HPSE2: variants seen among roughly 807,000 people sequenced by gnomAD.
HPSE2 encodes the protein inactive heparanase-2.
A neutral mutation model predicts 60.5 loss-of-function variants in HPSE2; 38 were observed. That is an observed-to-expected ratio of 0.63 (90% CI 0.48 to 0.82). The LOEUF is 0.82. Ranked by LOEUF, HPSE2 falls within the 40% of genes least tolerant of loss-of-function variation. The pLI is 0.00. For synonymous variants in HPSE2, 295 were observed against 293.2 expected, an observed-to-expected ratio of 1.01 and a Z score of -0.06; for missense variants, 713 against 740.4, an observed-to-expected ratio of 0.96 and a Z score of 0.43.
intron 2 of HPSE2, among the ~76,000 whole-genome samples, chr10:99,169,391 G>C (rs1847217039): frequency 6.6e-6 from 1 of 150,758 alleles, no homozygotes; most frequent in Non-Finnish European, 1.5e-5. Context: ...TGTGGTCCCA[G>C]CTACTCAGGA....
chr10:99,290,319 T>C, the HPSE2 span, among the ~76,000 whole-genome samples: 1 of 152,170 alleles, frequency 6.6e-6, no homozygotes, highest in Non-Finnish European at 1.5e-5. Context: ...CATCTCTGTG[T>C]CCCTAGTACC....
chr10:98,934,287 ATTG>A (rs1375197159), intron 3 of HPSE2, among the ~76,000 whole-genome samples: 1 of 144,206 alleles, frequency 6.9e-6, no homozygotes, highest in Non-Finnish European at 1.5e-5. Context: ...TAAGGTTAAT[ATTG>A]TTATGTGTGA....
chr10:98,877,448 A>G (rs1020151728), intron 3 of HPSE2, among the ~76,000 whole-genome samples: 2 of 151,890 alleles, frequency 1.3e-5, no homozygotes, highest in African/African-American at 2.4e-5. Flanking sequence ...ATTGCTTCTC[A>G]GCTGCTATCT....
intron 2 of HPSE2, among the ~76,000 whole-genome samples, chr10:99,168,156 A>G (rs935308558): frequency 6.6e-6 from 1 of 151,578 alleles, no homozygotes; most frequent in African/African-American, 2.4e-5. Context: ...ATTGCATTGA[A>G]TTTATACATT....
the HPSE2 span, among the ~76,000 whole-genome samples, chr10:99,274,038 C>T: frequency 2.0e-4 from 31 of 151,794 alleles, no homozygotes; most frequent in African/African-American, 7.5e-4. Flanking sequence ...TAAAGAATAG[C>T]TACATGCCTA....
At chr10:99,187,823 G>C (rs1848083301) in intron 2 of HPSE2, among the ~76,000 whole-genome samples, 1 of 152,164 alleles carries the variant, frequency 6.6e-6, no homozygotes. Flanking sequence ...TGGGGAAAAA[G>C]TTTGGCAATT....
intron 9 of HPSE2, among the ~76,000 whole-genome samples, chr10:98,497,037 A>AT (rs762314212): frequency 6.9e-4 from 105 of 152,086 alleles, no homozygotes; most frequent in Non-Finnish European, 1.3e-3. Context: ...AAAGATTTAA[A>AT]CTTTTAATTC....
At chr10:99,293,995 T>A in the HPSE2 span, among the ~76,000 whole-genome samples, 1 of 152,122 alleles carries the variant, frequency 6.6e-6, no homozygotes, top group Non-Finnish European at 1.5e-5. Context: ...CATCTTAAAC[T>A]CCAAACCAGA....
At chr10:99,248,155 G>A in the HPSE2 span, among the ~76,000 whole-genome samples, 1 of 152,248 alleles carries the variant, frequency 6.6e-6, no homozygotes, top group African/African-American at 2.4e-5. Context: ...ATGGGCAGAG[G>A]TTGGAACAGT....
chr10:98,801,931 AC>A (rs1185772025), intron 3 of HPSE2, among the ~76,000 whole-genome samples: 1 of 152,174 alleles, frequency 6.6e-6, no homozygotes, highest in African/African-American at 2.4e-5. Context: ...ACATTACCTG[AC>A]TTCAAATTAT....
At position 98,888,135 on chromosome 10, in the gene HPSE2, A is replaced by AACACACACACACACACAC. The variant is rs3043548; in HGVS notation, c.611-144097_611-144080dup. Among the ~76,000 whole-genome samples the AACACACACACACACACAC allele has an allele frequency of 4.8e-4, 68 of 140,806 alleles. 1 individual carries two copies. The highest frequency in any genetic ancestry group is 1.4e-3 in the African/African-American group (53 of 38,478). 92.4% of individuals were successfully genotyped at this position (140,806 alleles called of 152,430 possible). On this transcript the variant is annotated intron_variant, in intron 3 of 11. Coordinates refer to ENST00000370552, the MANE Select transcript of HPSE2 (RefSeq NM_021828.5). ...TGCAAAAGGGATAGGTTTTAAAACA[A>AACACACACACACACACAC]ACACACACACACACACACACACACA...
At chr10:98,905,952 G>A (rs1953804172) in intron 3 of HPSE2, among the ~76,000 whole-genome samples, 1 of 152,196 alleles carries the variant, frequency 6.6e-6, no homozygotes, top group Admixed American at 6.5e-5. Context: ...GAAGAACTTA[G>A]TCTCCTGGCT....
chr10:98,484,711 TG>T (rs1296457657), intron 10 of HPSE2, among the ~76,000 whole-genome samples: 4 of 152,260 alleles, frequency 2.6e-5, no homozygotes, highest in African/African-American at 9.6e-5. Flanking sequence ...TTTCTTCTTT[TG>T]CTGTTTTACC....
intron 9 of HPSE2, among the ~76,000 whole-genome samples, chr10:98,548,390 G>A (rs1416808318): frequency 6.6e-6 from 1 of 152,164 alleles, no homozygotes; most frequent in Non-Finnish European, 1.5e-5. Flanking sequence ...GCCGAGTTGG[G>A]CATATGGCTT....
At chr10:99,275,693 C>A in the HPSE2 span, among the ~76,000 whole-genome samples, 2 of 152,154 alleles carry the variant, frequency 1.3e-5, no homozygotes, top group Non-Finnish European at 1.5e-5. Context: ...CTCTTTGAAT[C>A]CTCCCTCTTT....
intron 3 of HPSE2, among the ~76,000 whole-genome samples, chr10:98,978,327 T>C (rs1470179314): frequency 6.6e-6 from 1 of 152,208 alleles, no homozygotes; most frequent in Non-Finnish European, 1.5e-5. Context: ...TGTTTTGTAA[T>C]GAAGTCATAG....
the HPSE2 span, among the ~76,000 whole-genome samples, chr10:99,306,175 C>T: frequency 6.6e-6 from 1 of 152,086 alleles, no homozygotes; most frequent in African/African-American, 2.4e-5. Context: ...GGAAATGGAA[C>T]ACCAGCAGTA....
At chr10:99,250,121 C>A in the HPSE2 span, among the ~76,000 whole-genome samples, 3 of 121,916 alleles carry the variant, frequency 2.5e-5, no homozygotes, top group East Asian at 4.8e-4. Flanking sequence ...CTAGCCTGGG[C>A]AAAAGAGCAA....
chr10:98,502,379 A>C (rs1285133809), intron 9 of HPSE2, among the ~76,000 whole-genome samples: 2 of 152,082 alleles, frequency 1.3e-5, no homozygotes, highest in Non-Finnish European at 1.5e-5. Flanking sequence ...AGAATAGGGA[A>C]CCTAGGAATC....
Sources: allele counts gnomAD v4.1 joint callset (sites outside exome capture counted in the v4.1 genomes callset), GRCh38; gene constraint gnomAD v4.1.1; transcripts MANE v1.5; gene names NCBI Gene and HGNC (gene_info 2026-07-23, HGNC 2026-07-21).